PRR11: variants seen among roughly 807,000 people sequenced by gnomAD.
The protein encoded by PRR11 is proline-rich protein 11.
PRR11 carries 30 observed loss-of-function variants against 45.6 expected under a neutral mutation model. The observed-to-expected ratio is 0.66, with a 90% CI of 0.49 to 0.89. PRR11 has a LOEUF of 0.89. PRR11 is among the 40% of genes least tolerant of loss of function. The probability of loss-of-function intolerance (pLI) is 0.00; values close to 1 mark genes in which losing one functional copy is unlikely to be tolerated. For missense variants in PRR11, 373 were observed against 424.8 expected (o/e 0.88, Z 1.07); for synonymous variants, 128 against 153.5 (o/e 0.83, Z 1.23).
Position 59,185,139 on chromosome 17 carries a change from G to T in PRR11, c.214G>T (p.Ala72Ser). 3.1e-6 allele frequency: 5 copies of T among 1,611,522 alleles called. No individual in the cohort carries two copies. Among genetic ancestry groups the T allele is most frequent in the African/African-American group, 1.3e-5 (1 of 74,904 alleles). The change falls in exon 3 of 10, where the codon GCA (alanine) becomes TCA (serine). Residue 72 changes from alanine to serine, a missense_variant. By Grantham distance (99) the Ala-to-Ser change is moderately conservative. Coordinates refer to ENST00000262293, the MANE Select transcript of PRR11 (RefSeq NM_018304.4). Reference protein sequence around the residue: ...WNFNFPNIRDAIKLWTNRVWS... With the variant: ...WNFNFPNIRDSIKLWTNRVWS... The stretch of plus-strand genomic sequence containing the variant: ...CTTCAATTTTCCTAACATCAGAGAT[G>T]CAATAAAACTTTGGACAAATAGAGT...
rs933831279 is a variant in PRR11 at position 59,200,412 on chromosome 17, T to C, written c.1015-1151T>C. On this transcript the variant is annotated intron_variant, in intron 9 of 9. Transcript: ENST00000262293. ...GAGTTTGAAACCATCCTGGGCGATA[T>C]AGCAAGACTCTGCCTTGACAAATAA... Among the ~76,000 whole-genome samples the C allele has an allele frequency of 2.6e-5, 4 of 152,182 alleles. No individual in the cohort carries two copies. In the East Asian group the frequency reaches 7.7e-4, roughly 29 times the overall value.
chr17:59,183,552 G>A (rs1219853262), intron 2 of PRR11, among the ~76,000 whole-genome samples: 1 of 152,078 alleles, frequency 6.6e-6, no homozygotes. Flanking sequence ...CTGCCGTAAG[G>A]CATCTTTGAG....
intron 4 of PRR11, among the ~76,000 whole-genome samples, chr17:59,190,365 G>A (rs148160229): frequency 1.1e-3 from 166 of 152,080 alleles, no homozygotes; most frequent in African/African-American, 3.8e-3. Context: ...CCAGCTATTC[G>A]GGAGGCTGAG....
At chr17:59,200,780 C>G (rs2046888701) in intron 9 of PRR11, among the ~76,000 whole-genome samples, 1 of 152,026 alleles carries the variant, frequency 6.6e-6, no homozygotes, top group Non-Finnish European at 1.5e-5. Flanking sequence ...GCGTGAGCCA[C>G]CGGGCCCAGC....
intron 4 of PRR11, among the ~76,000 whole-genome samples, chr17:59,192,603 C>T (rs1236379535): frequency 6.6e-6 from 1 of 152,098 alleles, no homozygotes; most frequent in Non-Finnish European, 1.5e-5. Context: ...TGGCTGTCTT[C>T]GCTCTATGTC....
intron 1 of PRR11, among the ~76,000 whole-genome samples, chr17:59,167,350 T>C (rs1300926135): frequency 6.6e-6 from 1 of 152,114 alleles, no homozygotes; most frequent in East Asian, 1.9e-4. Context: ...CTAGATAATA[T>C]ATTATTGTTA....
At chr17:59,163,747 A>G (rs1019449282) in intron 1 of PRR11, 2 of 152,208 alleles carry the variant, frequency 1.3e-5, no homozygotes, top group Non-Finnish European at 2.9e-5. Flanking sequence ...TCAAAAGAGG[A>G]ACAATATTTT....
At chr17:59,167,081 G>A (rs927503382) in intron 1 of PRR11, among the ~76,000 whole-genome samples, 16 of 152,120 alleles carry the variant, frequency 1.1e-4, no homozygotes, top group Non-Finnish European at 1.6e-4. Flanking sequence ...GGAGAATGGC[G>A]TGAATCCAGG....
Position 59,194,818 on chromosome 17 carries a change from A to G in PRR11, c.707A>G (p.Lys236Arg), listed in dbSNP as rs751038906. Residue 236 changes from lysine to arginine, a missense_variant, in exon 6 of 10, where the codon AAA (lysine) becomes AGA (arginine). Lys to Arg is a conservative substitution (Grantham distance 26, BLOSUM62 2). Coordinates refer to ENST00000262293, the MANE Select transcript of PRR11 (RefSeq NM_018304.4). ...QITVKDLLTVKLKKTQSLDEK... is the reference protein window; with the variant it reads ...QITVKDLLTVRLKKTQSLDEK... Reference sequence around the variant, plus strand: ...ACAGTTAAAGATCTGCTGACTGTAAAATTAAAGAAGACACAGAGTTTAGAT... The same window carrying G: ...ACAGTTAAAGATCTGCTGACTGTAAGATTAAAGAAGACACAGAGTTTAGAT... 3.7e-6 allele frequency: 6 copies of G among 1,613,958 alleles called. No individual in the cohort carries two copies. In the South Asian group the frequency reaches 5.5e-5, roughly 15 times the overall value.
At chr17:59,176,229 C>T (rs1213837675) in intron 2 of PRR11, among the ~76,000 whole-genome samples, 1 of 152,120 alleles carries the variant, frequency 6.6e-6, no homozygotes, top group African/African-American at 2.4e-5. Flanking sequence ...CCAGGAAACA[C>T]CAAGATGGCG....
chr17:59,173,786 C>G (rs1445111607), intron 2 of PRR11, among the ~76,000 whole-genome samples: 2 of 152,216 alleles, frequency 1.3e-5, no homozygotes, highest in African/African-American at 4.8e-5. Flanking sequence ...CTCTATTCAG[C>G]TCCGTCTAGA....
At chr17:59,181,719 A>C in intron 2 of PRR11, 1 of 1,555,742 alleles carries the variant, frequency 6.4e-7, no homozygotes, top group South Asian at 1.1e-5. Context: ...AAAGGGACCT[A>C]CATGGGAGGC....
At chr17:59,179,513 A>G (rs2046768850) in intron 2 of PRR11, 6 of 1,279,474 alleles carry the variant, frequency 4.7e-6, no homozygotes, top group Non-Finnish European at 6.3e-6. Context: ...CTCATGAGTG[A>G]TCACTTCTGA....
intron 1 of PRR11, among the ~76,000 whole-genome samples, chr17:59,158,646 T>C (rs546836888): frequency 2.0e-5 from 3 of 152,342 alleles, no homozygotes; most frequent in Admixed American, 2.0e-4. Flanking sequence ...GTGCTTATTA[T>C]ACTATTGTAA....
At position 59,193,636 on chromosome 17, in the gene PRR11, C is replaced by T. The variant is rs766551468; in HGVS notation, c.547C>T (p.His183Tyr). ...LPPTLPQPAS[H>Y]FPPPPPPPPL... ...TCCCACACTGCCACAGCCAGCCAGC[C>T]ATTTTCCTCCTCCTCCTCCACCTCC... Residue 183 changes from histidine to tyrosine, a missense_variant, in exon 5 of 10, where the codon CAT becomes TAT. Transcript: ENST00000262293. The T allele has an allele frequency of 1.2e-6, 2 of 1,614,172 alleles. No individual in the cohort carries two copies. Among genetic ancestry groups the T allele is most frequent in the East Asian group, 2.2e-5 (1 of 44,880 alleles).
chr17:59,205,031 AAAAAG>A lies in PRR11; in HGVS notation c.*3410_*3414del, dbSNP rs2046911531. Among the ~76,000 whole-genome samples, 1 of 152,162 alleles carries A rather than the reference AAAAAG, an allele frequency of 6.6e-6. No homozygotes were observed. The highest frequency in any genetic ancestry group is 1.5e-5 in the Non-Finnish European group (1 of 68,042). On this transcript the variant is annotated 3_prime_UTR_variant, in exon 10 of 10. Transcript: ENST00000262293. ...GGGTAACAGAGCAAGACTCCATCTC[AAAAAG>A]AAAAGAAAAAATGCTTTGCTACATA... is the stretch of plus-strand genomic sequence containing the variant.
At chr17:59,187,789 C>G (rs1449482090) in intron 4 of PRR11, among the ~76,000 whole-genome samples, 1 of 150,918 alleles carries the variant, frequency 6.6e-6, no homozygotes, top group Non-Finnish European at 1.5e-5. Context: ...CACTTGAACC[C>G]GGGAGGCGGA....
chr17:59,170,987 C>A (rs771010491), intron 2 of PRR11, among the ~76,000 whole-genome samples: 2 of 152,158 alleles, frequency 1.3e-5, no homozygotes, highest in Admixed American at 6.5e-5. Context: ...CGGCCAGGCG[C>A]GGTGGCTCAT....
rs1418829615 is a variant in PRR11, at chr17:59,193,513, T to C, written c.424T>C (p.Cys142Arg). The change falls in exon 5 of 10, where the codon TGT becomes CGT. Residue 142 changes from cysteine to arginine, a missense_variant. Cys to Arg is a radical substitution (Grantham distance 180). Coordinates refer to ENST00000262293, the MANE Select transcript of PRR11 (RefSeq NM_018304.4). ...ALKTISESSS[C>R]PSCGQTCHMS... ...CCAGACCATCTCAGAAAGTTCTTCCTGTCCAAGCTGTGGTCAAACATGTCA... is the reference window on the plus strand; with the variant it reads ...CCAGACCATCTCAGAAAGTTCTTCCCGTCCAAGCTGTGGTCAAACATGTCA... 1 of 1,614,080 alleles carries C rather than the reference T, an allele frequency of 6.2e-7. No individual in the cohort carries two copies. Among genetic ancestry groups the C allele is most frequent in the Non-Finnish European group, 8.5e-7 (1 of 1,180,020 alleles).
Sources: gnomAD v4.1 joint callset for allele counts (sites outside exome capture counted in the v4.1 genomes callset) on GRCh38, gnomAD v4.1.1 for gene constraint, MANE v1.5 for transcripts, NCBI Gene and HGNC (gene_info 2026-07-23, HGNC 2026-07-21) for gene names.